The following LRP8 variants were observed in gnomAD, a reference collection of about 807,000 sequenced individuals.
LRP8 encodes the protein LDL receptor related protein 8.
A neutral mutation model predicts 111.6 loss-of-function variants in LRP8; 46 were observed. That is an observed-to-expected ratio of 0.41 (90% confidence interval 0.33 to 0.53). The LOEUF is 0.53. Among genes scored for constraint, LRP8 ranks in the 20% least tolerant of loss-of-function variants. The probability of loss-of-function intolerance (pLI) is 0.20; values close to 1 mark genes in which losing one functional copy is unlikely to be tolerated. For missense variants in LRP8, 959 were observed against 1,297.4 expected (o/e 0.74, Z 4.01); for synonymous variants, 464 against 511.2 (o/e 0.91, Z 1.24).
intron 3 of LRP8, 121 bp downstream of exon 3, chr1:53,289,446 C>T (rs1190693709): frequency 7.4e-7 from 1 of 1,352,480 alleles, no homozygotes; most frequent in Non-Finnish European, 9.9e-7. Context: ...ACCAGGAGCG[C>T]CCTGAGTGCG....
chr1:53,255,208 G>A, intron 15 of LRP8, 23 bp from the exon 16 acceptor site: 1 of 1,609,224 alleles, frequency 6.2e-7, no homozygotes. Flanking sequence ...AACATTTGCA[G>A]AATGATGCTC....
In LRP8 at chr1:53,269,616, C is replaced by A. The variant is rs11206131; in HGVS notation, c.1252+1412G>T. Among the ~76,000 whole-genome samples the A allele has an allele frequency of 6.6e-3, 1,003 of 152,206 alleles. 7 individuals carry two copies. The highest frequency in any genetic ancestry group is 0.023 in the African/African-American group (939 of 41,534). ...AAGCGTGAGCCACCACACCCACCCC[C>A]CTTCACCTTCTTTACTCAAATACCT... is the stretch of plus-strand genomic sequence containing the variant. On this transcript the variant is annotated intron_variant, in intron 8 of 18. Coordinates refer to ENST00000306052, the MANE Select transcript of LRP8 (RefSeq NM_004631.5).
chr1:53,297,452 G>T (rs981469740), intron 2 of LRP8, among the ~76,000 whole-genome samples: 4 of 152,208 alleles, frequency 2.6e-5, no homozygotes, highest in Non-Finnish European at 4.4e-5. Flanking sequence ...CCCGCGTGTG[G>T]TGGGCGGGAC....
chr1:53,290,962 T>C (rs944623893), intron 2 of LRP8, among the ~76,000 whole-genome samples: 1 of 152,092 alleles, frequency 6.6e-6, no homozygotes, highest in Non-Finnish European at 1.5e-5. Flanking sequence ...CAAATCTGCA[T>C]TGAACTCACA....
At chr1:53,280,135 C>G (rs1034630031) in intron 4 of LRP8, among the ~76,000 whole-genome samples, 1 of 152,066 alleles carries the variant, frequency 6.6e-6, no homozygotes, top group South Asian at 2.1e-4. Flanking sequence ...CCCCTCCCCC[C>G]AGCATTGCTG....
At chr1:53,257,643 C>T (rs1646151477) in intron 14 of LRP8, among the ~76,000 whole-genome samples, 179 bp from the exon 15 acceptor site, 1 of 152,220 alleles carries the variant, frequency 6.6e-6, no homozygotes, top group Non-Finnish European at 1.5e-5. Flanking sequence ...CTAAGCACTT[C>T]ACTTTGATTC....
chr1:53,258,268 G>C (rs375620010), intron 14 of LRP8, 51 bp downstream of exon 14: 6 of 1,573,014 alleles, frequency 3.8e-6, no homozygotes, highest in Non-Finnish European at 5.2e-6. Flanking sequence ...GATTTCAGCA[G>C]GGTAGGGTCT....
At position 53,276,708 on chromosome 1, in the gene LRP8, C is replaced by A; in HGVS notation, c.867G>T (p.Ser289=). ...CDGDRDCKDK[S]DEADCPLGTC... ...GGGGCTTACGGCAGTCGGCCTCGTC[C>A]GATTTGTCTTTGCAGTCGCGGTCGC... The change falls in exon 5 of 19, where the codon TCG becomes TCT. Residue 289 remains serine (S), a synonymous_variant. Coordinates refer to ENST00000306052, the MANE Select transcript of LRP8 (RefSeq NM_004631.5). 6.5e-7 allele frequency: 1 copy of A among 1,538,472 alleles called. No homozygotes were observed. Among genetic ancestry groups the A allele is most frequent in the Non-Finnish European group, 8.7e-7 (1 of 1,146,132 alleles).
chr1:53,290,192 G>A lies in LRP8; in HGVS notation c.245-503C>T, dbSNP rs556795090. Among the ~76,000 whole-genome samples the A allele has an allele frequency of 1.9e-3, 294 of 152,172 alleles. 1 individual carries two copies. Among genetic ancestry groups the A allele is most frequent in the Non-Finnish European group, 3.5e-3 (239 of 68,014 alleles). Reference sequence around the variant, plus strand: ...GACGTATTTTGTGTTCAGAGCAGTCGGAAGAGGATCTACTGGGCAAGACAC... The same window carrying A: ...GACGTATTTTGTGTTCAGAGCAGTCAGAAGAGGATCTACTGGGCAAGACAC... On this transcript the variant is annotated intron_variant, in intron 2 of 18. Transcript: ENST00000306052.
At chr1:53,272,663 C>A (rs1646795887) in intron 6 of LRP8, 1 of 1,289,410 alleles carries the variant, frequency 7.8e-7, no homozygotes, top group African/African-American at 1.5e-5. Flanking sequence ...AAGACCACAG[C>A]AACTCCATGA....
chr1:53,289,983 C>T (rs1441548373), intron 2 of LRP8, among the ~76,000 whole-genome samples: 1 of 152,182 alleles, frequency 6.6e-6, no homozygotes, highest in Non-Finnish European at 1.5e-5. Flanking sequence ...GCCACTGTCC[C>T]CAGGAAGCCT....
chr1:53,295,685 T>C (rs1237259365), intron 2 of LRP8, among the ~76,000 whole-genome samples: 1 of 152,166 alleles, frequency 6.6e-6, no homozygotes, highest in Admixed American at 6.5e-5. Context: ...ATTTTCCCCC[T>C]TGGAGATGCA....
At chr1:53,289,823 G>A in intron 2 of LRP8, 134 bp from the exon 3 acceptor site, 1 of 1,135,536 alleles carries the variant, frequency 8.8e-7, no homozygotes, top group Admixed American at 2.3e-5. Context: ...GGAGAGACAA[G>A]CTTCTTCATT....
intron 15 of LRP8, 67 bp from the exon 16 acceptor site, chr1:53,255,252 A>G (rs1045126353): frequency 1.1e-5 from 15 of 1,426,224 alleles, no homozygotes; most frequent in Non-Finnish European, 1.4e-5. Context: ...ACTGGCCTCA[A>G]GTGGTAAGAA....
At position 53,264,338 on chromosome 1, in the gene LRP8, A is replaced by G; in HGVS notation, c.1486T>C (p.Leu496=). The change falls in exon 10 of 19, where the codon TTG becomes CTG. Residue 496 remains leucine (L), a synonymous_variant. Coordinates refer to ENST00000306052, the MANE Select transcript of LRP8 (RefSeq NM_004631.5). ...KEQEVLIDEQ[L]HSPEGLAVDW... Reference sequence around the variant, plus strand: ...ACTGCCAGGCCCTCTGGAGAGTGCAACTGCTCGTCAATGAGGACCTCCTGC... The same window carrying G: ...ACTGCCAGGCCCTCTGGAGAGTGCAGCTGCTCGTCAATGAGGACCTCCTGC... The G allele has an allele frequency of 1.2e-6, 2 of 1,614,088 alleles. No individual in the cohort carries two copies. The highest frequency in any genetic ancestry group is 2.2e-5 in the East Asian group (1 of 44,880).
At chr1:53,273,869 GTC>G (rs961576530) in intron 6 of LRP8, among the ~76,000 whole-genome samples, 2 of 152,326 alleles carry the variant, frequency 1.3e-5, no homozygotes, top group African/African-American at 4.8e-5. Context: ...TGGGGAAACA[GTC>G]TGCCAGAAGG....
At position 53,277,230 on chromosome 1, in the gene LRP8, C is replaced by T. The variant is rs1038765450; in HGVS notation, c.497-152G>A. On this transcript the variant is annotated intron_variant, in intron 4 of 18. Transcript: ENST00000306052. ...ATGGTGGACGTGCAGTTAGGCATAG[C>T]GAAGGCGGGCTTCCAACACGGACAT... The T allele has an allele frequency of 4.3e-5, 52 of 1,206,818 alleles. 2 individuals carry two copies. In the South Asian group the frequency reaches 4.6e-4, roughly 11 times the overall value. The allele number at this position is 1,206,818 out of a possible 1,614,324, so 74.8% of individuals were successfully genotyped here.
chr1:53,315,735 C>T (rs529083976), intron 2 of LRP8, among the ~76,000 whole-genome samples: 1 of 152,202 alleles, frequency 6.6e-6, no homozygotes, highest in Non-Finnish European at 1.5e-5. Flanking sequence ...CCAAGTGACA[C>T]AAACCACTGA....
At chr1:53,257,893 G>A (rs554118381) in intron 14 of LRP8, 21 of 229,448 alleles carry the variant, frequency 9.2e-5, no homozygotes, top group Non-Finnish European at 1.6e-4. Context: ...ACATGAATCT[G>A]TGTATGCGGT....
Sources: gnomAD v4.1 joint callset for allele counts (sites outside exome capture counted in the v4.1 genomes callset) on GRCh38, gnomAD v4.1.1 for gene constraint, MANE v1.5 for transcripts, NCBI Gene and HGNC (gene_info 2026-07-23, HGNC 2026-07-21) for gene names.